Variants in LEPR observed in about 807,000 individuals in gnomAD.
LEPR encodes leptin receptor.
In LEPR, 56 loss-of-function variants were observed where a neutral mutation model predicts 114.7. The ratio of observed to expected loss-of-function variants is 0.49; its 90% CI spans 0.39 to 0.61. The LOEUF is 0.61. Ranked by LOEUF, LEPR falls within the 20% of genes least tolerant of loss-of-function variation. LEPR has a pLI of 0.00. For missense variants in LEPR, 1,202 were observed against 1,352.9 expected (o/e 0.89, Z 1.75); for synonymous variants, 443 against 461.4 (o/e 0.96, Z 0.51).
chr1:65,608,976 G>C (rs1233945093), intron 12 of LEPR, 75 bp downstream of exon 12: 1 of 1,565,280 alleles, frequency 6.4e-7, no homozygotes, highest in African/African-American at 1.4e-5. Context: ...AATTGCATTA[G>C]ATTAATTTTA....
chr1:65,452,402 A>G (rs1266523291), intron 2 of LEPR, among the ~76,000 whole-genome samples: 1 of 146,976 alleles, frequency 6.8e-6, no homozygotes, highest in Non-Finnish European at 1.5e-5. Flanking sequence ...TCAGTATGAT[A>G]TTGGCTGTGG....
At chr1:65,604,680 G>A (rs755632949) in intron 10 of LEPR, among the ~76,000 whole-genome samples, 1 of 152,208 alleles carries the variant, frequency 6.6e-6, no homozygotes. Context: ...CCTGTCTGTG[G>A]CCTCTTAGGA....
intron 17 of LEPR, 109 bp downstream of exon 17, chr1:65,620,132 C>A: frequency 4.6e-6 from 4 of 868,716 alleles, no homozygotes; most frequent in Non-Finnish European, 7.4e-6. Flanking sequence ...TGGAAGAGTC[C>A]AAAGTCTTCT....
At chr1:65,528,870 T>A (rs1002937794) in intron 2 of LEPR, among the ~76,000 whole-genome samples, 5 of 152,286 alleles carry the variant, frequency 3.3e-5, no homozygotes, top group African/African-American at 1.2e-4. Context: ...AATGGCTCGA[T>A]CCCAGCTCAC....
At position 65,636,834 on chromosome 1, in the gene LEPR, C is replaced by T. The variant is rs769027063; in HGVS notation, c.3317C>T (p.Ala1106Val). The T allele has an allele frequency of 3.7e-6, 6 of 1,612,870 alleles. No individual in the cohort carries two copies. The African/African-American group carries it at 4.0e-5, about 11-fold the overall frequency. ...DKSRVSCPFP[A>V]PCLFTDIRVL... ...TCAAGGGTATCGTGCCCATTCCCAG[C>T]CCCCTGTTTATTCACGGACATCAGA... Residue 1106 changes from alanine to valine, a missense_variant, in exon 20 of 20, where the codon GCC becomes GTC. Physicochemically the swap from Ala to Val is moderately conservative, Grantham distance 64 (BLOSUM62 0). Coordinates refer to ENST00000349533, the MANE Select transcript of LEPR (RefSeq NM_002303.6).
Position 65,633,890 on chromosome 1 carries a change from C to G in LEPR, c.2674-2301C>G. The G allele has an allele frequency of 1.0e-6, 1 of 985,318 alleles. No individual in the cohort carries two copies. Among genetic ancestry groups the G allele is most frequent in the Non-Finnish European group, 1.2e-6 (1 of 829,914 alleles). The allele number at this position is 985,318 out of a possible 1,614,324, so 61.0% of individuals were successfully genotyped here. A position where few individuals can be genotyped will look rare whatever the true frequency, so the allele number is the denominator to read the frequency against. On this transcript the variant is annotated intron_variant, in intron 19 of 19. Transcript: ENST00000349533. The surrounding 1 kb of genome is among the most constrained non-coding windows in gnomAD (Gnocchi z 4.1). ...GAGTTACAGTTCATATCAGGATGAC[C>G]CTACATACCCAGGTCAGATTGACGG...
intron 2 of LEPR, among the ~76,000 whole-genome samples, chr1:65,532,382 A>C (rs1650463271): frequency 6.6e-6 from 1 of 152,190 alleles, no homozygotes; most frequent in Admixed American, 6.5e-5. Flanking sequence ...GCCATCTTCA[A>C]ATGCTTCCAT....
intron 2 of LEPR, among the ~76,000 whole-genome samples, chr1:65,539,065 T>G (rs1367473694): frequency 2.5e-4 from 4 of 16,104 alleles, no homozygotes; most frequent in South Asian, 2.7e-3. Context: ...ATTTCCTGGT[T>G]TTTTTTTTTT....
chr1:65,550,142 G>A (rs1652182343), intron 2 of LEPR, among the ~76,000 whole-genome samples: 5 of 152,166 alleles, frequency 3.3e-5, no homozygotes, highest in Admixed American at 2.6e-4. Context: ...TTCGTGAACC[G>A]CGAATGCTGC....
chr1:65,634,419 A>G (rs1328008418), intron 19 of LEPR: 2 of 969,410 alleles, frequency 2.1e-6, no homozygotes, highest in Non-Finnish European at 2.5e-6. Context: ...CATATTTAAT[A>G]TGTGCCCAGA....
chr1:65,494,809 C>G (rs951836964), intron 2 of LEPR, among the ~76,000 whole-genome samples: 4 of 152,192 alleles, frequency 2.6e-5, no homozygotes, highest in Non-Finnish European at 4.4e-5. Flanking sequence ...ATATCACAAC[C>G]CTTCCAAACT....
chr1:65,574,056 C>T (rs889186618), intron 5 of LEPR, among the ~76,000 whole-genome samples: 3 of 152,062 alleles, frequency 2.0e-5, no homozygotes, highest in Admixed American at 1.3e-4. Flanking sequence ...AAGTGGTTAC[C>T]GATATGTATT....
chr1:65,495,103 ACAAT>A (rs753177203), intron 2 of LEPR, among the ~76,000 whole-genome samples: 75 of 152,292 alleles, frequency 4.9e-4, no homozygotes, highest in Non-Finnish European at 9.6e-4. Context: ...AGCAAAGGAA[ACAAT>A]CAACACAGTG....
intron 2 of LEPR, among the ~76,000 whole-genome samples, chr1:65,540,192 C>T (rs944010535): frequency 6.6e-6 from 1 of 152,154 alleles, no homozygotes; most frequent in Admixed American, 6.5e-5. Context: ...TCATTTAGAA[C>T]ATCTGCAGGT....
intron 5 of LEPR, among the ~76,000 whole-genome samples, chr1:65,588,396 T>C (rs1655463561): frequency 6.6e-6 from 1 of 152,058 alleles, no homozygotes; most frequent in African/African-American, 2.4e-5. Flanking sequence ...TTTCTTTTTG[T>C]AAATAGTTTT....
At chr1:65,438,568 A>G (rs953354521) in intron 2 of LEPR, among the ~76,000 whole-genome samples, 1 of 151,658 alleles carries the variant, frequency 6.6e-6, no homozygotes, top group African/African-American at 2.4e-5. Flanking sequence ...AAAAAAAAAA[A>G]AAAAGACAGT....
chr1:65,582,162 T>C (rs1235213572), intron 5 of LEPR, among the ~76,000 whole-genome samples: 1 of 152,208 alleles, frequency 6.6e-6, no homozygotes, highest in Non-Finnish European at 1.5e-5. Flanking sequence ...TAATGTCATA[T>C]AATAAATTAA....
chr1:65,464,342 T>C (rs1442421726), intron 2 of LEPR, among the ~76,000 whole-genome samples: 3 of 152,202 alleles, frequency 2.0e-5, no homozygotes, highest in Non-Finnish European at 4.4e-5. Flanking sequence ...GATTTGCATA[T>C]GTTGAACCAG....
intron 19 of LEPR, chr1:65,626,001 A>C: frequency 1.2e-6 from 1 of 832,870 alleles, no homozygotes; most frequent in Non-Finnish European, 2.0e-6. Context: ...TTAAGCTCTG[A>C]AATCTTACCT....
Sources: allele counts gnomAD v4.1 joint callset (sites outside exome capture counted in the v4.1 genomes callset), GRCh38; gene constraint gnomAD v4.1.1; non-coding constraint Gnocchi (gnomAD v3.1); transcripts MANE v1.5; gene names NCBI Gene and HGNC (gene_info 2026-07-23, HGNC 2026-07-21).